Variants in NUP62CL observed in about 807,000 individuals in gnomAD.
NUP62CL encodes nucleoporin 62 C-terminal like.
In NUP62CL, 13 loss-of-function variants were observed where a neutral mutation model predicts 15.3. The ratio of observed to expected loss-of-function variants is 0.85; its 90% CI spans 0.55 to 1.35. The LOEUF (loss-of-function observed/expected upper bound fraction) is 1.35. Among genes scored for constraint, NUP62CL ranks in the 40% most tolerant of loss-of-function variants. The pLI is 0.00. For missense variants in NUP62CL, 123 were observed against 130.6 expected (o/e 0.94, Z 0.28); for synonymous variants, 54 against 49.2 (o/e 1.10, Z -0.41).
intron 7 of NUP62CL, among the ~76,000 whole-genome samples, chrX:107,149,669 T>C (rs1478656776): frequency 8.9e-6 from 1 of 112,337 alleles, no homozygotes. Context: ...AAGAACTGTC[T>C]GTATATAATT....
intron 3 of NUP62CL, among the ~76,000 whole-genome samples, chrX:107,171,122 T>C (rs1462363249): frequency 1.8e-5 from 2 of 112,369 alleles, no homozygotes; most frequent in African/African-American, 3.2e-5. Flanking sequence ...TCTCTTAAAA[T>C]TTGCTGATTA....
chrX:107,140,189 C>T (rs915323300), intron 8 of NUP62CL, among the ~76,000 whole-genome samples: 35 of 111,647 alleles, frequency 3.1e-4, no homozygotes, highest in Non-Finnish European at 5.1e-4. Flanking sequence ...TTCATGGAGG[C>T]AGAGGAGAAA....
chrX:107,141,725 T>C (rs1925771709), intron 8 of NUP62CL, among the ~76,000 whole-genome samples: 1 of 111,977 alleles, frequency 8.9e-6, no homozygotes, highest in Non-Finnish European at 1.9e-5. Flanking sequence ...CAGCATCTGA[T>C]ACTCTTCAGA....
At chrX:107,126,445 A>C (rs1415579116) in intron 8 of NUP62CL, among the ~76,000 whole-genome samples, 1 of 112,344 alleles carries the variant, frequency 8.9e-6, no homozygotes, top group Non-Finnish European at 1.9e-5. Context: ...AAATAAGAAC[A>C]AACTGTAGGA....
chrX:107,139,571 A>G (rs1052421262), intron 8 of NUP62CL, among the ~76,000 whole-genome samples: 11 of 111,768 alleles, frequency 9.8e-5, no homozygotes, highest in African/African-American at 3.6e-4. Context: ...ATATAATATG[A>G]CCCCCAATTT....
chrX:107,185,909 A>C (rs967396092), intron 2 of NUP62CL, among the ~76,000 whole-genome samples: 1 of 111,676 alleles, frequency 9.0e-6, no homozygotes, highest in African/African-American at 3.3e-5. Flanking sequence ...ATTTAACAAA[A>C]GGGAGTAGGG....
At chrX:107,148,298 C>T (rs1925928340) in intron 7 of NUP62CL, among the ~76,000 whole-genome samples, 1 of 111,200 alleles carries the variant, frequency 9.0e-6, no homozygotes, top group Admixed American at 9.6e-5. Context: ...ATATTCATAC[C>T]TTTTGACTCA....
chrX:107,173,605 T>C (rs1208516459), intron 3 of NUP62CL, among the ~76,000 whole-genome samples: 5 of 112,008 alleles, frequency 4.5e-5, no homozygotes, highest in Non-Finnish European at 9.4e-5. Flanking sequence ...TTGGACATGG[T>C]CATATTCATG....
chrX:107,179,028 G>A (rs1926850326), intron 2 of NUP62CL, among the ~76,000 whole-genome samples: 1 of 107,746 alleles, frequency 9.3e-6, no homozygotes, highest in Admixed American at 1.0e-4. Context: ...CCAGGAGGCG[G>A]AGGTTGCACT....
intron 4 of NUP62CL, among the ~76,000 whole-genome samples, chrX:107,166,616 C>T (rs771663777): frequency 8.9e-6 from 1 of 112,083 alleles, no homozygotes; most frequent in East Asian, 2.8e-4. Flanking sequence ...ACATGTACAT[C>T]AATGTTCACA....
At chrX:107,125,191 G>A (rs1049728035) in intron 8 of NUP62CL, among the ~76,000 whole-genome samples, 28 of 111,410 alleles carry the variant, frequency 2.5e-4, no homozygotes, top group African/African-American at 9.1e-4. Flanking sequence ...TTAATAACTG[G>A]TAAATGTTTC....
chrX:107,149,195 T>C (rs1050930480), intron 7 of NUP62CL, among the ~76,000 whole-genome samples: 1 of 112,020 alleles, frequency 8.9e-6, no homozygotes, highest in Non-Finnish European at 1.9e-5. Context: ...TTTAGTTACT[T>C]GATTGAGAAC....
At chrX:107,126,970 G>C (rs1292790813) in intron 8 of NUP62CL, among the ~76,000 whole-genome samples, 5 of 110,511 alleles carry the variant, frequency 4.5e-5, no homozygotes, top group Non-Finnish European at 9.5e-5. Context: ...GGAGGTGGAG[G>C]TTGCAGTGAG....
intron 8 of NUP62CL, among the ~76,000 whole-genome samples, chrX:107,143,789 A>G (rs959577956): frequency 8.9e-6 from 1 of 111,902 alleles, no homozygotes; most frequent in African/African-American, 3.2e-5. Flanking sequence ...GGATTCATTG[A>G]GCTTACTCAA....
chrX:107,135,438 G>C (rs1448297227), intron 8 of NUP62CL, among the ~76,000 whole-genome samples: 1 of 111,802 alleles, frequency 8.9e-6, no homozygotes, highest in African/African-American at 3.3e-5. Flanking sequence ...GGACTTCAAA[G>C]TAACCTTGGA....
rs1176918437 is a variant in NUP62CL at position 107,131,698 on chromosome X, G to C, written c.*43-7366C>G. The C allele has an allele frequency of 5.6e-6, 4 of 713,834 alleles. No individual in the cohort carries two copies. The Admixed American group carries it at 8.9e-5, about 16-fold the overall frequency. 58.8% of individuals were successfully genotyped at this position (713,834 alleles called of 1,213,427 possible). ...AAGAGGAGGAAGAGGAGGAGCAGTTGGTTCTAGTGGAATTATCAGGAATTA... is the reference window on the plus strand; with the variant it reads ...AAGAGGAGGAAGAGGAGGAGCAGTTCGTTCTAGTGGAATTATCAGGAATTA... On this transcript the variant is annotated intron_variant, in intron 8 of 8. Coordinates refer to ENST00000372466, the MANE Select transcript of NUP62CL (RefSeq NM_017681.3).
At chrX:107,134,008 A>T (rs764866432) in intron 8 of NUP62CL, among the ~76,000 whole-genome samples, 15 of 112,300 alleles carry the variant, frequency 1.3e-4, no homozygotes, top group Non-Finnish European at 2.3e-4. Context: ...TTTAACATAC[A>T]CAGGCATAAT....
intron 8 of NUP62CL, among the ~76,000 whole-genome samples, chrX:107,125,976 G>A (rs1191537092): frequency 9.0e-6 from 1 of 111,588 alleles, no homozygotes; most frequent in Non-Finnish European, 1.9e-5. Context: ...GGCAAAAACT[G>A]CACCTAGGTA....
intron 1 of NUP62CL, among the ~76,000 whole-genome samples, chrX:107,199,218 C>G (rs1927426895): frequency 8.9e-6 from 1 of 111,968 alleles, no homozygotes; most frequent in South Asian, 3.8e-4. Context: ...GATCTCCATT[C>G]TATAGCTGAG....
Sources: gnomAD v4.1 joint callset for allele counts (sites outside exome capture counted in the v4.1 genomes callset) on GRCh38, gnomAD v4.1.1 for gene constraint, MANE v1.5 for transcripts, NCBI Gene and HGNC (gene_info 2026-07-23, HGNC 2026-07-21) for gene names.